The following LRP2 variants were observed in gnomAD, a reference collection of about 807,000 sequenced individuals.
The protein encoded by LRP2 is low-density lipoprotein receptor-related protein 2.
LRP2 carries 172 observed loss-of-function variants against 531.0 expected under a neutral mutation model. That is an observed-to-expected ratio of 0.32 (90% CI 0.29 to 0.37). The LOEUF (loss-of-function observed/expected upper bound fraction) is 0.37, where lower values mean the gene tolerates loss of function less well. LRP2 is among the 10% of genes least tolerant of loss of function. The pLI, the probability that LRP2 is intolerant of heterozygous loss-of-function variation, is 1.00. For missense variants in LRP2, 5,167 were observed against 5,868.3 expected (o/e 0.88, Z 3.90); for synonymous variants, 1,992 against 2,027.6 (o/e 0.98, Z 0.47).
intron 13 of LRP2, among the ~76,000 whole-genome samples, chr2:169,275,792 A>C (rs913311550): frequency 6.6e-6 from 1 of 152,006 alleles, no homozygotes; most frequent in African/African-American, 2.4e-5. Context: ...ACTCTTATGC[A>C]TCTGCTTGAT....
At chr2:169,243,666 A>T (rs1559036970) in intron 22 of LRP2, 144 bp from the exon 23 acceptor site, 2 of 927,004 alleles carry the variant, frequency 2.2e-6, no homozygotes, top group Non-Finnish European at 3.5e-6. Context: ...ACACTATCAA[A>T]GTCAGCTAAG....
chr2:169,307,196 CCAT>C, intron 4 of LRP2, 82 bp downstream of exon 4: 1 of 903,824 alleles, frequency 1.1e-6, no homozygotes, highest in Non-Finnish European at 1.9e-6. Context: ...GCATTTATGT[CCAT>C]CAACAAATCT....
At chr2:169,307,712 C>T (rs1244753143) in intron 3 of LRP2, among the ~76,000 whole-genome samples, 1 of 152,056 alleles carries the variant, frequency 6.6e-6, no homozygotes, top group Non-Finnish European at 1.5e-5. Flanking sequence ...TAGGTATTAA[C>T]CAAGGACCCC....
chr2:169,137,464 C>T lies in LRP2; in HGVS notation c.13548G>A (p.Lys4516=), dbSNP rs534730598. Residue 4516 remains lysine (K), a synonymous_variant, in exon 76 of 79, where the codon AAG becomes AAA. Transcript: ENST00000649046. ...MSEDFVMEMG[K]QPIIFENPMY... is the part of the protein sequence containing the mutation. ...TTGGGTTTTCAAATATTATGGGCTG[C>T]TTCCCCATTTCCATGACAAAGTCTT... is the stretch of plus-strand genomic sequence containing the variant. 5.6e-6 allele frequency: 9 copies of T among 1,613,392 alleles called. No individual in the cohort carries two copies. The highest frequency in any genetic ancestry group is 7.6e-6 in the Non-Finnish European group (9 of 1,179,568).
rs766880717 is a variant in LRP2 at position 169,175,163 on chromosome 2, G to GA, written c.10768+29dup. 6.8e-6 allele frequency: 11 copies of GA among 1,608,790 alleles called. No homozygotes were observed. In the Admixed American group the frequency reaches 1.3e-4, roughly 20 times the overall value. On this transcript the variant is annotated intron_variant, in intron 55 of 78. Coordinates refer to ENST00000649046, the MANE Select transcript of LRP2 (RefSeq NM_004525.3). ...TCGTATACAATCAACATAGAAGTCGGAAAAAGAGGCATAAAGCGACTCAAC... is the reference window on the plus strand; with the variant it reads ...TCGTATACAATCAACATAGAAGTCGGAAAAAAGAGGCATAAAGCGACTCAAC...
intron 45 of LRP2, among the ~76,000 whole-genome samples, chr2:169,197,736 C>T (rs1261445617): frequency 6.6e-6 from 1 of 152,212 alleles, no homozygotes; most frequent in Non-Finnish European, 1.5e-5. Context: ...GCAGAGGTCC[C>T]TGAAAAGTCA....
chr2:169,144,031 C>T (rs984839579), intron 70 of LRP2, among the ~76,000 whole-genome samples: 2 of 152,166 alleles, frequency 1.3e-5, no homozygotes, highest in African/African-American at 4.8e-5. Context: ...GGGAATCTTG[C>T]TAAAATGCAG....
At chr2:169,172,686 A>G (rs943366167) in intron 57 of LRP2, among the ~76,000 whole-genome samples, 8 of 152,220 alleles carry the variant, frequency 5.3e-5, no homozygotes, top group Admixed American at 2.0e-4. Context: ...AAATCCCCAA[A>G]TAAGAAATAT....
At chr2:169,185,446 A>C (rs1687600277) in intron 50 of LRP2, 57 bp downstream of exon 50, 2 of 1,555,994 alleles carry the variant, frequency 1.3e-6, no homozygotes, top group African/African-American at 1.4e-5. Context: ...CAAGATGAAA[A>C]CATGGTTAGA....
intron 1 of LRP2, among the ~76,000 whole-genome samples, chr2:169,334,289 T>C (rs571256675): frequency 6.6e-6 from 1 of 152,274 alleles, no homozygotes; most frequent in South Asian, 2.1e-4. Context: ...ATATATACAA[T>C]AAAATCTCTA....
At chr2:169,137,565 T>C in intron 75 of LRP2, 72 bp from the exon 76 acceptor site, 1 of 970,564 alleles carries the variant, frequency 1.0e-6, no homozygotes, top group East Asian at 2.4e-5. Context: ...CATACTAATC[T>C]GGTTCACACA....
intron 60 of LRP2, 142 bp from the exon 61 acceptor site, chr2:169,168,818 C>A (rs1175585517): frequency 3.3e-6 from 3 of 912,750 alleles, no homozygotes; most frequent in Admixed American, 4.1e-5. Flanking sequence ...CTTGACCTGT[C>A]TGAAAGTTGA....
chr2:169,175,019 TA>T lies in LRP2; in HGVS notation c.10768+173del, dbSNP rs201393942. On this transcript the variant is annotated intron_variant, in intron 55 of 78. Transcript: ENST00000649046. ...TGCCTTGTAAAAACCTTAAGATTTC[TA>T]AAAAAAAAAAAAAAAAAACTTCATA... Among the ~76,000 whole-genome samples, 35,951 of 108,706 alleles carry T rather than the reference TA, an allele frequency of 0.33. 4,667 individuals carry two copies. The highest frequency in any genetic ancestry group is 0.45 in the East Asian group (1,810 of 4,026). The allele number at this position is 108,706 out of a possible 152,430, so 71.3% of individuals were successfully genotyped here. A position where few individuals can be genotyped will look rare whatever the true frequency, so the allele number is the denominator to read the frequency against.
At chr2:169,334,713 T>G (rs1012602229) in intron 1 of LRP2, among the ~76,000 whole-genome samples, 4 of 152,182 alleles carry the variant, frequency 2.6e-5, no homozygotes, top group African/African-American at 9.7e-5. Flanking sequence ...CCACTGAACC[T>G]TCACTCAATA....
Position 169,292,238 on chromosome 2 carries a change from T to G in LRP2, c.769+15A>C. On this transcript the variant is annotated intron_variant, in intron 7 of 78. Transcript: ENST00000649046. ...AAGAAAATGCTTTTCAGTAGGAATC[T>G]CTTCCCCTCCTTACCACATCCATCT... 1 of 1,541,606 alleles carries G rather than the reference T, an allele frequency of 6.5e-7. No homozygotes were observed. Among genetic ancestry groups the G allele is most frequent in the South Asian group, 1.1e-5 (1 of 89,640 alleles).
rs187587511 is a variant in LRP2 at position 169,183,702 on chromosome 2, G to A, written c.9846-1383C>T. ...CAAGAAAACATGGAGAAGATATTCC[G>A]TCTCCACTACTGGAAAAATTAAGAT... On this transcript the variant is annotated intron_variant, in intron 50 of 78. Coordinates refer to ENST00000649046, the MANE Select transcript of LRP2 (RefSeq NM_004525.3). Among the ~76,000 whole-genome samples, 11 of 152,200 alleles carry A rather than the reference G, an allele frequency of 7.2e-5. No individual in the cohort carries two copies. The East Asian group carries it at 9.7e-4, about 13-fold the overall frequency.
At chr2:169,150,866 T>G (rs1366282292) in intron 68 of LRP2, 32 bp downstream of exon 68, 1 of 1,613,182 alleles carries the variant, frequency 6.2e-7, no homozygotes, top group East Asian at 2.2e-5. Context: ...GGGAGAAATA[T>G]CTAGATGTTG....
chr2:169,162,572 T>C lies in LRP2; in HGVS notation c.11787A>G (p.Thr3929=), dbSNP rs377290009. The change falls in exon 63 of 79, where the codon ACA becomes ACG. Residue 3929 remains threonine (T), a synonymous_variant. Transcript: ENST00000649046. ...CATTGCCACACTTATATTCATATTC[T>C]GTACAAGGTTTAGGGGTCGGTTTTC... ...HCRKPTPKPC[T]EYEYKCGNGH... is the part of the protein sequence containing the mutation. The C allele has an allele frequency of 1.5e-5, 25 of 1,614,214 alleles. 1 individual carries two copies. Among genetic ancestry groups the C allele is most frequent in the East Asian group, 2.2e-5 (1 of 44,888 alleles).
Position 169,137,450 on chromosome 2 carries a change from A to T in LRP2, c.13562T>A (p.Phe4521Tyr). The T allele has an allele frequency of 6.2e-7, 1 of 1,614,058 alleles. No individual in the cohort carries two copies. Among genetic ancestry groups the T allele is most frequent in the Non-Finnish European group, 8.5e-7 (1 of 1,179,928 alleles). The change falls in exon 76 of 79, where the codon TTT (phenylalanine) becomes TAT (tyrosine). Residue 4521 changes from phenylalanine to tyrosine, a missense_variant. Phe to Tyr is a conservative substitution (Grantham distance 22). Coordinates refer to ENST00000649046, the MANE Select transcript of LRP2 (RefSeq NM_004525.3). ...TCTGGCTGAGTACATTGGGTTTTCA[A>T]ATATTATGGGCTGCTTCCCCATTTC... ...VMEMGKQPII[F>Y]ENPMYSARDS...
Sources: allele counts gnomAD v4.1 joint callset (sites outside exome capture counted in the v4.1 genomes callset), GRCh38; gene constraint gnomAD v4.1.1; transcripts MANE v1.5; gene names NCBI Gene and HGNC (gene_info 2026-07-23, HGNC 2026-07-21).